SLCO5A1: variants seen among roughly 807,000 people sequenced by gnomAD.
SLCO5A1 encodes organic anion transporter polypeptide-related protein 4.
A neutral mutation model predicts 65.1 loss-of-function variants in SLCO5A1; 39 were observed. The ratio of observed to expected loss-of-function variants is 0.60; its 90% CI spans 0.46 to 0.78. The LOEUF (loss-of-function observed/expected upper bound fraction) is 0.78, where lower values mean the gene tolerates loss of function less well. Among genes scored for constraint, SLCO5A1 ranks in the 30% least tolerant of loss-of-function variants. The probability of loss-of-function intolerance (pLI) is 0.00; values close to 1 mark genes in which losing one functional copy is unlikely to be tolerated. For synonymous variants in SLCO5A1, 438 were observed against 415.7 expected (o/e 1.05, Z -0.65); for missense variants, 1,029 against 1,069.4 (o/e 0.96, Z 0.53).
intron 2 of SLCO5A1, among the ~76,000 whole-genome samples, chr8:69,789,721 A>ATAGATATG (rs1432892546): frequency 6.6e-6 from 1 of 152,222 alleles, no homozygotes; most frequent in Non-Finnish European, 1.5e-5. Context: ...ATCTGAGATG[A>ATAGATATG]TAGATATGTT....
intron 2 of SLCO5A1, among the ~76,000 whole-genome samples, chr8:69,809,064 A>G (rs1220234706): frequency 6.6e-6 from 1 of 152,218 alleles, no homozygotes; most frequent in Non-Finnish European, 1.5e-5. Flanking sequence ...AGATAGCACC[A>G]TTGCACTCCA....
chr8:69,730,095 G>T (rs1816264155), intron 5 of SLCO5A1, among the ~76,000 whole-genome samples: 1 of 152,180 alleles, frequency 6.6e-6, no homozygotes, highest in Non-Finnish European at 1.5e-5. Flanking sequence ...TAGCCCTGGG[G>T]AATGATCACT....
At chr8:69,820,291 G>A (rs962049230) in intron 2 of SLCO5A1, among the ~76,000 whole-genome samples, 1 of 152,230 alleles carries the variant, frequency 6.6e-6, no homozygotes, top group Non-Finnish European at 1.5e-5. Context: ...CCAGGAGGAA[G>A]AGCCCAGGGA....
chr8:69,694,529 T>C (rs1586692449), intron 6 of SLCO5A1, among the ~76,000 whole-genome samples: 1 of 152,358 alleles, frequency 6.6e-6, no homozygotes, highest in East Asian at 1.9e-4. Flanking sequence ...GCCAGCCACA[T>C]ACTGTTGAGC....
intron 6 of SLCO5A1, among the ~76,000 whole-genome samples, chr8:69,697,408 A>G (rs773689717): frequency 6.1e-4 from 93 of 152,188 alleles, no homozygotes; most frequent in Non-Finnish European, 1.2e-3. Context: ...AATTATATAT[A>G]TATACACACA....
At chr8:69,766,923 G>T (rs145208916) in intron 2 of SLCO5A1, among the ~76,000 whole-genome samples, 2 of 152,146 alleles carry the variant, frequency 1.3e-5, no homozygotes, top group East Asian at 3.8e-4. Context: ...GCCAGTGAAC[G>T]CTCTACTGTC....
chr8:69,673,339 A>T lies in SLCO5A1; in HGVS notation c.2090-13T>A. The T allele has an allele frequency of 6.3e-7, 1 of 1,598,844 alleles. No homozygotes were observed. Among genetic ancestry groups the T allele is most frequent in the South Asian group, 1.1e-5 (1 of 90,456 alleles). The stretch of plus-strand genomic sequence containing the variant: ...GTAGGAATGTATGCTAGAGGGGTGG[A>T]GAAGAAGAAAATACGAAGACTTAGC... On this transcript the variant is annotated splice_polypyrimidine_tract_variant and intron_variant, in intron 9 of 9. Coordinates refer to ENST00000260126, the MANE Select transcript of SLCO5A1 (RefSeq NM_030958.3).
At chr8:69,749,741 A>G (rs1817202968) in intron 4 of SLCO5A1, among the ~76,000 whole-genome samples, 1 of 137,000 alleles carries the variant, frequency 7.3e-6, no homozygotes, top group South Asian at 2.3e-4. Flanking sequence ...GTAATGGACA[A>G]AAAAAAAAAA....
At chr8:69,737,769 A>G (rs1353653937) in intron 5 of SLCO5A1, among the ~76,000 whole-genome samples, 2 of 152,140 alleles carry the variant, frequency 1.3e-5, no homozygotes, top group African/African-American at 4.8e-5. Flanking sequence ...GTCATTGCCT[A>G]TTTCATTTTT....
At chr8:69,794,336 G>T in intron 2 of SLCO5A1, 1 of 442,986 alleles carries the variant, frequency 2.3e-6, no homozygotes, top group South Asian at 1.9e-5. Flanking sequence ...AGCCAGGACT[G>T]AGTAGACAGT....
intron 2 of SLCO5A1, among the ~76,000 whole-genome samples, chr8:69,788,549 G>A (rs1255487300): frequency 1.3e-5 from 2 of 152,130 alleles, no homozygotes; most frequent in Non-Finnish European, 2.9e-5. Context: ...ATCTTGTGGA[G>A]TTTTTATAAA....
intron 2 of SLCO5A1, among the ~76,000 whole-genome samples, chr8:69,816,963 C>T (rs1014596358): frequency 6.6e-6 from 1 of 152,048 alleles, no homozygotes; most frequent in Non-Finnish European, 1.5e-5. Context: ...ATTTATAGTC[C>T]ATATATCCAT....
At chr8:69,789,778 A>G (rs1016842983) in intron 2 of SLCO5A1, among the ~76,000 whole-genome samples, 4 of 152,214 alleles carry the variant, frequency 2.6e-5, no homozygotes, top group African/African-American at 9.6e-5. Flanking sequence ...TGTATCCTAC[A>G]ACATGTTGTA....
At chr8:69,715,521 T>C (rs988467357) in intron 5 of SLCO5A1, among the ~76,000 whole-genome samples, 14 of 152,272 alleles carry the variant, frequency 9.2e-5, no homozygotes, top group African/African-American at 3.1e-4. Flanking sequence ...AGACAGTTCA[T>C]CGTCATGACG....
chr8:69,776,532 A>T lies in SLCO5A1; in HGVS notation c.908-14657T>A, dbSNP rs576377420. On this transcript the variant is annotated intron_variant, in intron 2 of 9. Coordinates refer to ENST00000260126, the MANE Select transcript of SLCO5A1 (RefSeq NM_030958.3). ...TAGCAAGAACCCATCTCTACAAAAA[A>T]TACAAAAATTAGCTGAGCATGATGA... 1.1e-4 allele frequency among the ~76,000 whole-genome samples: 17 copies of T among 152,248 alleles called. No homozygotes were observed. The South Asian group carries it at 3.5e-3, about 32-fold the overall frequency.
chr8:69,707,818 G>T (rs1815042768), intron 5 of SLCO5A1, among the ~76,000 whole-genome samples: 1 of 152,172 alleles, frequency 6.6e-6, no homozygotes, highest in Non-Finnish European at 1.5e-5. Context: ...GACACCAGAT[G>T]AAGGAAGAAA....
chr8:69,797,321 T>G (rs922048451), intron 2 of SLCO5A1, among the ~76,000 whole-genome samples: 1 of 152,220 alleles, frequency 6.6e-6, no homozygotes, highest in African/African-American at 2.4e-5. Flanking sequence ...CTGAGGAGGA[T>G]GTATGTCACC....
chr8:69,688,644 A>G (rs917444263), intron 6 of SLCO5A1, among the ~76,000 whole-genome samples: 3 of 152,134 alleles, frequency 2.0e-5, no homozygotes, highest in Admixed American at 1.3e-4. Context: ...AATTTCATCC[A>G]TGTCCCTACA....
chr8:69,701,056 G>T (rs1814713188), intron 6 of SLCO5A1, among the ~76,000 whole-genome samples: 1 of 152,056 alleles, frequency 6.6e-6, no homozygotes, highest in African/African-American at 2.4e-5. Context: ...GTGTCCAGAT[G>T]AGAGTAGGGG....
Sources: gnomAD v4.1 joint callset for allele counts (sites outside exome capture counted in the v4.1 genomes callset) on GRCh38, gnomAD v4.1.1 for gene constraint, MANE v1.5 for transcripts, NCBI Gene and HGNC (gene_info 2026-07-23, HGNC 2026-07-21) for gene names.